CYP51A1: variants seen among roughly 807,000 people sequenced by gnomAD.
CYP51A1 encodes cytochrome P450 family 51 subfamily A member 1, also known as lanosterol 14-alpha demethylase.
CYP51A1 carries 45 observed loss-of-function variants against 53.5 expected under a neutral mutation model. The ratio of observed to expected loss-of-function variants is 0.84; its 90% CI spans 0.66 to 1.08. CYP51A1 has a LOEUF of 1.08. Among genes scored for constraint, CYP51A1 ranks in the 50% least tolerant of loss-of-function variants. CYP51A1 has a pLI of 0.00. For missense variants in CYP51A1, 462 were observed against 621.7 expected (o/e 0.74, Z 2.73); for synonymous variants, 181 against 217.7 (o/e 0.83, Z 1.48).
intron 5 of CYP51A1, 77 bp from the exon 6 acceptor site, chr7:92,123,930 G>A: frequency 7.9e-7 from 1 of 1,268,134 alleles, no homozygotes; most frequent in East Asian, 2.5e-5. Flanking sequence ...TGAGAACCAG[G>A]ACCGAGCATA....
intron 3 of CYP51A1, among the ~76,000 whole-genome samples, chr7:92,128,428 C>CTCTCTGTGTGTGTG (rs112952169): frequency 3.1e-4 from 44 of 143,130 alleles, no homozygotes; most frequent in African/African-American, 1.1e-3. Context: ...TGGTTGGTTT[C>CTCTCTGTGTGTGTG]TGTGTGTGTG....
intron 2 of CYP51A1, among the ~76,000 whole-genome samples, chr7:92,130,604 T>A (rs1819897745): frequency 6.6e-6 from 1 of 152,194 alleles, no homozygotes; most frequent in Non-Finnish European, 1.5e-5. Context: ...TGGCATAAAG[T>A]AAGTGTTTGA....
chr7:92,117,544 G>A (rs532185617), intron 8 of CYP51A1: 2 of 173,356 alleles, frequency 1.2e-5, no homozygotes, highest in African/African-American at 2.4e-5. Context: ...GGTAGGGTTG[G>A]AATTTCAGAG....
At chr7:92,131,379 T>A (rs941308099) in intron 2 of CYP51A1, among the ~76,000 whole-genome samples, 3 of 152,186 alleles carry the variant, frequency 2.0e-5, no homozygotes, top group Non-Finnish European at 4.4e-5. Context: ...ATGTGGGTCA[T>A]TCAAGTGGAC....
At chr7:92,115,023 G>A (rs186451950) in intron 9 of CYP51A1, among the ~76,000 whole-genome samples, 1 of 152,286 alleles carries the variant, frequency 6.6e-6, no homozygotes, top group Admixed American at 6.5e-5. Flanking sequence ...TGGCTTACAG[G>A]AAGAATAGTC....
In CYP51A1 at chr7:92,128,778, C is replaced by T; in HGVS notation, c.468+102G>A. 3 of 1,071,854 alleles carry T rather than the reference C, an allele frequency of 2.8e-6. No homozygotes were observed. In the South Asian group the frequency reaches 5.2e-5, roughly 19 times the overall value. The allele number at this position is 1,071,854 out of a possible 1,614,324, so 66.4% of individuals were successfully genotyped here. Reference sequence around the variant, plus strand: ...TGCTGGGATTACAGGAATGAGCCACCATGCCTGGCTGTTTCTACATTTTAA... The same window carrying T: ...TGCTGGGATTACAGGAATGAGCCACTATGCCTGGCTGTTTCTACATTTTAA... On this transcript the variant is annotated intron_variant, in intron 3 of 9. Transcript: ENST00000003100.
At chr7:92,113,884 T>C in intron 9 of CYP51A1, 41 bp from the exon 10 acceptor site, 1 of 1,409,552 alleles carries the variant, frequency 7.1e-7, no homozygotes, top group Non-Finnish European at 9.7e-7. Context: ...TTTAAATTCT[T>C]TCTCATCCTT....
At position 92,131,177 on chromosome 7, in the gene CYP51A1, T is replaced by C. The variant is rs75432757; in HGVS notation, c.291+597A>G. On this transcript the variant is annotated intron_variant, in intron 2 of 9. Coordinates refer to ENST00000003100, the MANE Select transcript of CYP51A1 (RefSeq NM_000786.4). Reference sequence around the variant, plus strand: ...AGATCCAATGAGGTCAAAGAATAGTTATAATTTAAGGAGTTGCACAAGCAA... The same window carrying C: ...AGATCCAATGAGGTCAAAGAATAGTCATAATTTAAGGAGTTGCACAAGCAA... Among the ~76,000 whole-genome samples the C allele has an allele frequency of 3.6e-3, 555 of 152,302 alleles. 5 individuals carry two copies. Among genetic ancestry groups the C allele is most frequent in the African/African-American group, 0.013 (528 of 41,558 alleles).
chr7:92,113,405 A>G lies in CYP51A1; in HGVS notation c.*260T>C. The G allele has an allele frequency of 2.7e-6, 1 of 374,208 alleles. No individual in the cohort carries two copies. The highest frequency in any genetic ancestry group is 4.7e-6 in the Non-Finnish European group (1 of 210,544). 23.2% of individuals were successfully genotyped at this position (374,208 alleles called of 1,614,324 possible). ...TATTTAGAATCTGCCAATTACCTAG[A>G]TCCCCCCTCAACAATTGTTTCACCA... On this transcript the variant is annotated 3_prime_UTR_variant, in exon 10 of 10. Coordinates refer to ENST00000003100, the MANE Select transcript of CYP51A1 (RefSeq NM_000786.4).
chr7:92,127,677 T>G (rs772582150), intron 3 of CYP51A1, 46 bp from the exon 4 acceptor site: 1 of 1,599,514 alleles, frequency 6.3e-7, no homozygotes. Flanking sequence ...AACACATTTT[T>G]GTTTTATCAT....
At position 92,113,845 on chromosome 7, in the gene CYP51A1, T is replaced by TAA; in HGVS notation, c.1352-4_1352-3dup. Reference sequence around the variant, plus strand: ...TTTCCCCAATACAACGATGACGCCCTAAAAAAAAGAAAAAGTTATAAGAAT... The same window carrying TAA: ...TTTCCCCAATACAACGATGACGCCCTAAAAAAAAAAGAAAAAGTTATAAGAAT... On this transcript the variant is annotated splice_polypyrimidine_tract_variant and splice_region_variant and intron_variant, in intron 9 of 9. Transcript: ENST00000003100. The TAA allele has an allele frequency of 1.3e-6, 2 of 1,553,762 alleles. No individual in the cohort carries two copies. The highest frequency in any genetic ancestry group is 2.1e-5 in the Admixed American group (1 of 48,356).
chr7:92,113,868 A>G (rs1250039884), intron 9 of CYP51A1, 25 bp from the exon 10 acceptor site: 1 of 1,517,480 alleles, frequency 6.6e-7, no homozygotes. Context: ...AAGTTATAAG[A>G]ATCAGTTTAA....
At chr7:92,125,610 A>G (rs2130951369) in intron 5 of CYP51A1, among the ~76,000 whole-genome samples, 1 of 152,356 alleles carries the variant, frequency 6.6e-6, no homozygotes, top group South Asian at 2.1e-4. Flanking sequence ...AAAGCCACCA[A>G]AGATTTCAAA....
At chr7:92,115,379 C>T (rs1385326342) in intron 9 of CYP51A1, among the ~76,000 whole-genome samples, 2 of 151,980 alleles carry the variant, frequency 1.3e-5, no homozygotes, top group Non-Finnish European at 2.9e-5. Context: ...GACTGGTGTC[C>T]TTATAAGAAT....
In CYP51A1 at chr7:92,127,652, G is replaced by C. The variant is rs778067735; in HGVS notation, c.469-21C>G. ...AAAACCTTCAAAAAAATTCAAAACG[G>C]GGATACGGCATTAAAACACATTTTT... On this transcript the variant is annotated intron_variant, in intron 3 of 9. Transcript: ENST00000003100. The C allele has an allele frequency of 6.8e-6, 11 of 1,612,344 alleles. No homozygotes were observed. In the South Asian group the frequency reaches 9.9e-5, roughly 15 times the overall value.
Position 92,134,416 on chromosome 7 carries a change from G to C in CYP51A1, c.-52C>G. ...GAGGTCGCCACCGCTCCTCCCAATC[G>C]ACGGAACGAGAGAAGCTGGCAGATG... On this transcript the variant is annotated 5_prime_UTR_variant, in exon 1 of 10. Coordinates refer to ENST00000003100, the MANE Select transcript of CYP51A1 (RefSeq NM_000786.4). The C allele has an allele frequency of 6.7e-7, 1 of 1,484,998 alleles. No individual in the cohort carries two copies. The highest frequency in any genetic ancestry group is 9.0e-7 in the Non-Finnish European group (1 of 1,108,144). 92.0% of individuals were successfully genotyped at this position (1,484,998 alleles called of 1,614,324 possible).
In CYP51A1 at chr7:92,129,041, T is replaced by C. The variant is rs780364458; in HGVS notation, c.307A>G (p.Ser103Gly). ...NAYEKYGPVF[S>G]FTMVGKTFTY... ...AATGTCTTGCCTACCATGGTAAAAC[T>C]AAATACAGGTCCATACTAAAAAGAG... The change falls in exon 3 of 10, where the codon AGT becomes GGT. Residue 103 changes from serine to glycine, a missense_variant. By Grantham distance (56) the Ser-to-Gly change is moderately conservative (BLOSUM62 0). Coordinates refer to ENST00000003100, the MANE Select transcript of CYP51A1 (RefSeq NM_000786.4). The C allele has an allele frequency of 6.2e-7, 1 of 1,612,288 alleles. No individual in the cohort carries two copies. Among genetic ancestry groups the C allele is most frequent in the South Asian group, 1.1e-5 (1 of 90,900 alleles).
chr7:92,115,050 ACAAG>A (rs1252505477), intron 9 of CYP51A1, among the ~76,000 whole-genome samples: 1 of 152,224 alleles, frequency 6.6e-6, no homozygotes, highest in Non-Finnish European at 1.5e-5. Flanking sequence ...TTTAATCGCA[ACAAG>A]CAAGAAGTAT....
chr7:92,128,455 T>TGC (rs66941970), intron 3 of CYP51A1, among the ~76,000 whole-genome samples: 13 of 101,984 alleles, frequency 1.3e-4, no homozygotes, highest in African/African-American at 5.8e-4. Context: ...TGTGTGTGTG[T>TGC]GCGCGTGCGT....
Sources: allele counts gnomAD v4.1 joint callset (sites outside exome capture counted in the v4.1 genomes callset), GRCh38; gene constraint gnomAD v4.1.1; transcripts MANE v1.5; gene names NCBI Gene and HGNC (gene_info 2026-07-23, HGNC 2026-07-21).